Variants in CACNA2D3 observed in about 807,000 individuals in gnomAD.
The protein encoded by CACNA2D3 is voltage-dependent calcium channel subunit alpha-2/delta-3.
In CACNA2D3, 60 loss-of-function variants were observed where a neutral mutation model predicts 160.6. The ratio of observed to expected loss-of-function variants is 0.37; its 90% confidence interval spans 0.30 to 0.46. CACNA2D3 has a LOEUF of 0.46. Among genes scored for constraint, CACNA2D3 ranks in the 20% least tolerant of loss-of-function variants. The probability of loss-of-function intolerance (pLI) is 1.00; values close to 1 mark genes in which losing one functional copy is unlikely to be tolerated. For missense variants in CACNA2D3, 1,205 were observed against 1,365.0 expected (o/e 0.88, Z 1.85); for synonymous variants, 558 against 492.9 (o/e 1.13, Z -1.75).
At chr3:54,664,886 G>A (rs1264733591) in intron 11 of CACNA2D3, among the ~76,000 whole-genome samples, 4 of 152,212 alleles carry the variant, frequency 2.6e-5, no homozygotes, top group Non-Finnish European at 5.9e-5. Flanking sequence ...GCTTTAGCTG[G>A]AACCCCTGAC....
chr3:55,022,207 A>G (rs946408428), intron 35 of CACNA2D3, among the ~76,000 whole-genome samples: 10 of 152,076 alleles, frequency 6.6e-5, no homozygotes, highest in Admixed American at 2.6e-4. Context: ...TGTTATCACT[A>G]TGTAATAACC....
chr3:54,144,157 C>T (rs1368998503), intron 2 of CACNA2D3, among the ~76,000 whole-genome samples: 1 of 152,182 alleles, frequency 6.6e-6, no homozygotes, highest in African/African-American at 2.4e-5. Flanking sequence ...AGTTATTTTG[C>T]ATTTTCTCCC....
chr3:54,844,868 G>C (rs1230284423), intron 16 of CACNA2D3, among the ~76,000 whole-genome samples: 4 of 152,114 alleles, frequency 2.6e-5, no homozygotes, highest in African/African-American at 9.7e-5. Flanking sequence ...AATATTATTT[G>C]TTTTGTTTAA....
chr3:54,743,721 G>A (rs991121588), intron 11 of CACNA2D3, among the ~76,000 whole-genome samples: 1 of 152,120 alleles, frequency 6.6e-6, no homozygotes, highest in African/African-American at 2.4e-5. Flanking sequence ...CTTGAGAGAT[G>A]GGGCATACCT....
intron 17 of CACNA2D3, among the ~76,000 whole-genome samples, chr3:54,866,936 T>G (rs1392881550): frequency 1.3e-5 from 2 of 152,244 alleles, no homozygotes; most frequent in African/African-American, 4.8e-5. Context: ...TAGCACAGAA[T>G]ATCTTTCCTT....
chr3:54,173,952 T>G (rs1005543914), intron 2 of CACNA2D3, among the ~76,000 whole-genome samples: 5 of 152,204 alleles, frequency 3.3e-5, no homozygotes, highest in Admixed American at 6.5e-5. Flanking sequence ...TTTTGGAATT[T>G]GATTGCTTAA....
chr3:54,797,282 C>G (rs1160005167), intron 13 of CACNA2D3, among the ~76,000 whole-genome samples: 1 of 152,182 alleles, frequency 6.6e-6, no homozygotes, highest in Non-Finnish European at 1.5e-5. Context: ...GAATGTATCT[C>G]TCTTTGTTCA....
intron 2 of CACNA2D3, among the ~76,000 whole-genome samples, chr3:54,204,801 A>T (rs74738810): frequency 5.2e-5 from 7 of 133,942 alleles, no homozygotes; most frequent in South Asian, 4.6e-4. Context: ...GTCTTGAAAA[A>T]AAAAAAAAAA....
At chr3:54,638,585 G>A (rs1699431749) in intron 10 of CACNA2D3, 1 of 151,880 alleles carries the variant, frequency 6.6e-6, no homozygotes, top group African/African-American at 2.4e-5. Flanking sequence ...AGGAAGATTA[G>A]AAAGACTCAG....
chr3:54,948,063 A>T (rs1226150107), intron 27 of CACNA2D3, among the ~76,000 whole-genome samples: 1 of 152,202 alleles, frequency 6.6e-6, no homozygotes, highest in Admixed American at 6.5e-5. Flanking sequence ...CCTTCTACGG[A>T]GGAGATGGTG....
intron 4 of CACNA2D3, among the ~76,000 whole-genome samples, chr3:54,420,017 A>G (rs958462034): frequency 2.6e-5 from 4 of 152,088 alleles, no homozygotes; most frequent in Admixed American, 2.0e-4. Context: ...CCACCCGCCA[A>G]GGCTTCCCAA....
Position 54,581,402 on chromosome 3 carries a change from T to C in CACNA2D3, c.889-401T>C, listed in dbSNP as rs561779401. Among the ~76,000 whole-genome samples the C allele has an allele frequency of 7.0e-4, 107 of 152,246 alleles. 4 individuals carry two copies. The South Asian group carries it at 0.022, about 31-fold the overall frequency. On this transcript the variant is annotated intron_variant, in intron 8 of 37. Transcript: ENST00000474759. ...TGTAAGCCACACATGTGTCCCTTGG[T>C]TCCATGAAGCCAAAGACAGTAGCTG... is the stretch of plus-strand genomic sequence containing the variant.
chr3:54,754,685 A>C lies in CACNA2D3; in HGVS notation c.1246+2008A>C, dbSNP rs553024855. Among the ~76,000 whole-genome samples the C allele has an allele frequency of 8.5e-5, 13 of 152,302 alleles. No homozygotes were observed. In the South Asian group the frequency reaches 1.4e-3, roughly 17 times the overall value. The stretch of plus-strand genomic sequence containing the variant: ...AATAAAGGAAGGTAGGTCCTGTTGC[A>C]TAGTAGATTGGTTCAGTGGTCTGCT... On this transcript the variant is annotated intron_variant, in intron 12 of 37. Coordinates refer to ENST00000474759, the MANE Select transcript of CACNA2D3 (RefSeq NM_018398.3).
rs561295108 is a variant in CACNA2D3 at position 54,891,294 on chromosome 3, G to A, written c.2151-61G>A. 3.6e-5 allele frequency: 39 copies of A among 1,090,948 alleles called. No individual in the cohort carries two copies. The African/African-American group carries it at 5.7e-4, about 16-fold the overall frequency. The allele number at this position is 1,090,948 out of a possible 1,614,324, so 67.6% of individuals were successfully genotyped here. Reference sequence around the variant, plus strand: ...AAAAACATTCTGTGAGTCTTAAAATGCAATGTATTATCTGCTTACTGTCTA... The same window carrying A: ...AAAAACATTCTGTGAGTCTTAAAATACAATGTATTATCTGCTTACTGTCTA... On this transcript the variant is annotated intron_variant, in intron 24 of 37. Transcript: ENST00000474759.
chr3:54,829,885 C>CTTTTTTTTTTTTTTTTTTTTTTT (rs58291013), intron 14 of CACNA2D3, among the ~76,000 whole-genome samples: 1 of 64,310 alleles, frequency 1.6e-5, no homozygotes, highest in African/African-American at 6.3e-5. Context: ...TCTTCTTCAT[C>CTTTTTTTTTTTTTTTTTTTTTTT]TTTTTTTTTT....
Position 54,765,008 on chromosome 3 carries a change from G to A in CACNA2D3, c.1380+657G>A, listed in dbSNP as rs1344709742. 2.7e-5 allele frequency among the ~76,000 whole-genome samples: 4 copies of A among 149,308 alleles called. No individual in the cohort carries two copies. In the Admixed American group the frequency reaches 2.7e-4, roughly 10 times the overall value. ...TGTAATCTCAGGGTGATTTTTCATA[G>A]TGATAATAAGTCTGATGGGAGTGGT... On this transcript the variant is annotated intron_variant, in intron 13 of 37. Transcript: ENST00000474759.
At chr3:54,518,533 A>AG (rs1206305629) in intron 5 of CACNA2D3, among the ~76,000 whole-genome samples, 12 of 152,184 alleles carry the variant, frequency 7.9e-5, no homozygotes, top group African/African-American at 2.9e-4. Flanking sequence ...ATCTGGGACC[A>AG]GCTGTAGGCT....
At chr3:54,481,687 A>G (rs1299739109) in intron 4 of CACNA2D3, among the ~76,000 whole-genome samples, 2 of 152,214 alleles carry the variant, frequency 1.3e-5, no homozygotes, top group Non-Finnish European at 2.9e-5. Flanking sequence ...AGGCAACTCT[A>G]TCACTAGATG....
rs1039907858 is a variant in CACNA2D3 at position 54,626,476 on chromosome 3, A to T, written c.964-1311A>T. Reference sequence around the variant, plus strand: ...GCGTGACGTGATCATCCTGCCCGAGATGGTGGGCAGCATGGTGGGCGTCTA... The same window carrying T: ...GCGTGACGTGATCATCCTGCCCGAGTTGGTGGGCAGCATGGTGGGCGTCTA... On this transcript the variant is annotated intron_variant, in intron 9 of 37. Transcript: ENST00000474759. The T allele has an allele frequency of 5.6e-6, 9 of 1,606,020 alleles. No homozygotes were observed. In the Admixed American group the frequency reaches 1.5e-4, roughly 27 times the overall value.
Sources: allele counts gnomAD v4.1 joint callset (sites outside exome capture counted in the v4.1 genomes callset), GRCh38; gene constraint gnomAD v4.1.1; transcripts MANE v1.5; gene names NCBI Gene and HGNC (gene_info 2026-07-23, HGNC 2026-07-21).